Variants in LPP observed in about 807,000 individuals in gnomAD.
LPP encodes the protein lipoma-preferred partner.
LPP carries 38 observed loss-of-function variants against 60.4 expected under a neutral mutation model. That is an observed-to-expected ratio of 0.63 (90% confidence interval 0.49 to 0.83). The LOEUF is 0.83. Ranked by LOEUF, LPP falls within the 40% of genes least tolerant of loss-of-function variation. The pLI is 0.00. For missense variants in LPP, 902 were observed against 783.6 expected (o/e 1.15, Z -1.80); for synonymous variants, 328 against 290.8 (o/e 1.13, Z -1.30).
Position 188,874,466 on chromosome 3 carries a change from G to A in LPP, c.1826G>A (p.Ser609Asn). Residue 609 changes from serine to asparagine, a missense_variant, in exon 12 of 12, where the codon AGC becomes AAC. Coordinates refer to ENST00000617246, the MANE Select transcript of LPP (RefSeq NM_001375462.1). ...ATCAGGGTGTTGACCGCCAAGGCGA[G>A]CACTGACCTTTAGATTCAGTCACCT... is the stretch of plus-strand genomic sequence containing the variant. ...ARIRVLTAKA[S>N]TDL 1.9e-6 allele frequency: 3 copies of A among 1,614,094 alleles called. No individual in the cohort carries two copies. The highest frequency in any genetic ancestry group is 1.7e-6 in the Non-Finnish European group (2 of 1,179,934).
chr3:188,591,061 A>C (rs1448893113), intron 6 of LPP, among the ~76,000 whole-genome samples: 1 of 152,168 alleles, frequency 6.6e-6, no homozygotes. Flanking sequence ...TTCACATAGG[A>C]GCCTCCACAG....
intron 8 of LPP, among the ~76,000 whole-genome samples, chr3:188,713,146 G>A (rs1712292152): frequency 6.6e-6 from 1 of 152,178 alleles, no homozygotes. Flanking sequence ...TAATGGGACA[G>A]ACTGGCATGT....
At chr3:188,344,776 C>T (rs998486320) in intron 3 of LPP, among the ~76,000 whole-genome samples, 1 of 152,150 alleles carries the variant, frequency 6.6e-6, no homozygotes, top group African/African-American at 2.4e-5. Context: ...ACACCGGTAG[C>T]GGTAGTCCCT....
intron 6 of LPP, among the ~76,000 whole-genome samples, chr3:188,591,713 C>T (rs1276690639): frequency 3.3e-5 from 5 of 152,152 alleles, no homozygotes; most frequent in Non-Finnish European, 5.9e-5. Context: ...TGTCATTCTA[C>T]AATTGAGTTC....
At chr3:188,359,247 ATTG>A (rs376601909) in intron 3 of LPP, among the ~76,000 whole-genome samples, 360 of 152,298 alleles carry the variant, frequency 2.4e-3, no homozygotes, top group Middle Eastern at 0.014. Context: ...GCCTATAGAA[ATTG>A]TTATGTGTCA....
chr3:188,246,472 A>G (rs1331311338), intron 2 of LPP, among the ~76,000 whole-genome samples: 1 of 152,178 alleles, frequency 6.6e-6, no homozygotes, highest in Non-Finnish European at 1.5e-5. Context: ...CTCTTCATAG[A>G]TGATATAGCA....
chr3:188,346,426 ATTT>A (rs778079285), intron 3 of LPP, among the ~76,000 whole-genome samples: 1 of 135,452 alleles, frequency 7.4e-6, no homozygotes, highest in Admixed American at 7.3e-5. Flanking sequence ...CGCCCAGCTA[ATTT>A]TTTTTTTTTT....
intron 1 of LPP, among the ~76,000 whole-genome samples, chr3:188,197,969 A>T (rs1577235378): frequency 6.6e-6 from 1 of 152,154 alleles, no homozygotes; most frequent in Non-Finnish European, 1.5e-5. Flanking sequence ...CCTACCTTTG[A>T]CCTTGCACAA....
chr3:188,188,511 C>T (rs1270055371), intron 1 of LPP, among the ~76,000 whole-genome samples: 12 of 151,996 alleles, frequency 7.9e-5, no homozygotes, highest in Admixed American at 7.9e-4. Flanking sequence ...TGTTATTCAG[C>T]ATGATCATCT....
intron 1 of LPP, among the ~76,000 whole-genome samples, chr3:188,196,095 A>G (rs1577226035): frequency 6.6e-6 from 1 of 152,054 alleles, no homozygotes; most frequent in Non-Finnish European, 1.5e-5. Flanking sequence ...GTTTCTGTTG[A>G]CCACTCCCAG....
chr3:188,528,042 C>A (rs1043031325), intron 6 of LPP, among the ~76,000 whole-genome samples: 1 of 152,092 alleles, frequency 6.6e-6, no homozygotes, highest in African/African-American at 2.4e-5. Flanking sequence ...AAGTGTTTGT[C>A]AGGGAGTAGT....
intron 2 of LPP, among the ~76,000 whole-genome samples, chr3:188,250,796 CTTTCTTTCTTTCTCTT>C (rs1560158873): frequency 8.3e-5 from 11 of 132,874 alleles, no homozygotes; most frequent in African/African-American, 2.6e-4. Flanking sequence ...CTGTCTTTCT[CTTTCTTTCTTTCTCTT>C]TCTTTCTTTC....
intron 6 of LPP, among the ~76,000 whole-genome samples, chr3:188,582,941 G>A (rs939142094): frequency 2.6e-5 from 4 of 152,062 alleles, no homozygotes; most frequent in African/African-American, 9.7e-5. Context: ...ATCTTTCATG[G>A]ACCATTGGTG....
intron 4 of LPP, among the ~76,000 whole-genome samples, chr3:188,424,059 G>A (rs1229697351): frequency 1.3e-5 from 2 of 152,026 alleles, no homozygotes; most frequent in African/African-American, 2.4e-5. Context: ...GTATTGCCTA[G>A]GTTTTCTTCT....
chr3:188,738,184 G>A (rs1311076012), intron 8 of LPP, among the ~76,000 whole-genome samples: 2 of 152,054 alleles, frequency 1.3e-5, no homozygotes, highest in Admixed American at 6.6e-5. Context: ...TGTAGCAAAT[G>A]AGTCCCCGAA....
intron 9 of LPP, among the ~76,000 whole-genome samples, chr3:188,798,827 G>A (rs890200088): frequency 5.3e-5 from 8 of 152,354 alleles, no homozygotes; most frequent in East Asian, 1.9e-4. Context: ...AAATTTCACC[G>A]TCTGTGAAGC....
chr3:188,678,609 T>C (rs1187782688), intron 7 of LPP, among the ~76,000 whole-genome samples: 2 of 152,222 alleles, frequency 1.3e-5, no homozygotes, highest in Admixed American at 6.5e-5. Context: ...ATTTTTTCCA[T>C]TAAATGAATA....
chr3:188,760,575 G>T (rs951323338), intron 9 of LPP, among the ~76,000 whole-genome samples: 2 of 152,168 alleles, frequency 1.3e-5, no homozygotes, highest in Non-Finnish European at 2.9e-5. Flanking sequence ...TGGCTTTCTA[G>T]CATGTATGTA....
At chr3:188,848,880 C>A (rs559735433) in intron 9 of LPP, among the ~76,000 whole-genome samples, 1 of 151,552 alleles carries the variant, frequency 6.6e-6, no homozygotes, top group African/African-American at 2.4e-5. Context: ...GCAGGAGAAT[C>A]GCTTGAGCCT....
Sources: gnomAD v4.1 joint callset for allele counts (sites outside exome capture counted in the v4.1 genomes callset) on GRCh38, gnomAD v4.1.1 for gene constraint, MANE v1.5 for transcripts, NCBI Gene and HGNC (gene_info 2026-07-23, HGNC 2026-07-21) for gene names.